Variants in APBA1 observed in about 807,000 individuals in gnomAD.
APBA1 encodes amyloid-beta A4 precursor protein-binding family A member 1.
Under a neutral mutation model 86.6 loss-of-function variants are expected in APBA1, and 55 were observed. The observed-to-expected ratio is 0.64, with a 90% confidence interval of 0.51 to 0.80. The LOEUF (loss-of-function observed/expected upper bound fraction) is 0.80. Ranked by LOEUF, APBA1 falls within the 30% of genes least tolerant of loss-of-function variation. The pLI is 0.00. For missense variants in APBA1, 1,090 were observed against 1,183.0 expected, an observed-to-expected ratio of 0.92 and a Z score of 1.15; for synonymous variants, 511 against 493.9, an observed-to-expected ratio of 1.03 and a Z score of -0.46.
At chr9:69,622,538 C>G (rs1822841843) in intron 1 of APBA1, among the ~76,000 whole-genome samples, 1 of 151,344 alleles carries the variant, frequency 6.6e-6, no homozygotes, top group South Asian at 2.1e-4. Context: ...TGTTTTTATA[C>G]CTTTTTATTC....
chr9:69,482,850 CATT>C (rs2133847418), intron 2 of APBA1, among the ~76,000 whole-genome samples: 1 of 151,262 alleles, frequency 6.6e-6, no homozygotes, highest in South Asian at 2.1e-4. Context: ...TGGAAATCAT[CATT>C]CTCAGTAAAC....
At chr9:69,599,415 G>A (rs891764272) in intron 1 of APBA1, among the ~76,000 whole-genome samples, 21 of 152,136 alleles carry the variant, frequency 1.4e-4, no homozygotes, top group Non-Finnish European at 2.9e-4. Flanking sequence ...ATGGGACTGA[G>A]GAGTTCCCAC....
At chr9:69,630,166 T>C (rs894629628) in intron 1 of APBA1, among the ~76,000 whole-genome samples, 2 of 151,392 alleles carry the variant, frequency 1.3e-5, no homozygotes, top group African/African-American at 2.4e-5. Context: ...AGTAAGCAAG[T>C]GACATCAGAG....
At chr9:69,571,679 T>C (rs527718518) in intron 1 of APBA1, among the ~76,000 whole-genome samples, 9 of 152,352 alleles carry the variant, frequency 5.9e-5, no homozygotes, top group African/African-American at 2.2e-4. Flanking sequence ...AAATATCATA[T>C]TAAATTTTTT....
rs888829009 is a variant in APBA1, at chr9:69,428,722, G to C, written c.*2605C>G. The C allele has an allele frequency of 2.0e-5, 3 of 152,200 alleles. No homozygotes were observed. Among genetic ancestry groups the C allele is most frequent in the South Asian group, 4.1e-4 (2 of 4,826 alleles). The allele number at this position is 152,200 out of a possible 1,614,324, so 9.4% of individuals were successfully genotyped here. A position where few individuals can be genotyped will look rare whatever the true frequency, so the allele number is the denominator to read the frequency against. On this transcript the variant is annotated 3_prime_UTR_variant, in exon 13 of 13. Transcript: ENST00000265381. Reference sequence around the variant, plus strand: ...TCTTGGGACTTTCAAAAAATCTAGCGACTTGCTTTTAAGACTGTGGCTGCT... The same window carrying C: ...TCTTGGGACTTTCAAAAAATCTAGCCACTTGCTTTTAAGACTGTGGCTGCT...
chr9:69,546,078 A>G (rs1836693239), intron 1 of APBA1, among the ~76,000 whole-genome samples: 1 of 152,224 alleles, frequency 6.6e-6, no homozygotes, highest in African/African-American at 2.4e-5. Context: ...AGGAATTCAG[A>G]CTGAGAATTC....
intron 6 of APBA1, among the ~76,000 whole-genome samples, chr9:69,457,517 G>C (rs1293056769): frequency 6.6e-6 from 1 of 152,186 alleles, no homozygotes; most frequent in African/African-American, 2.4e-5. Flanking sequence ...AAGTCACTTA[G>C]AATTTGCCTC....
chr9:69,593,460 G>GT (rs11446901), intron 1 of APBA1, among the ~76,000 whole-genome samples: 21,682 of 152,070 alleles, frequency 0.14, 1,655 homozygotes, highest in South Asian at 0.28. Context: ...AATTATAACC[G>GT]TAAGAATTAC....
intron 1 of APBA1, among the ~76,000 whole-genome samples, chr9:69,622,248 TAA>T (rs1262035110): frequency 6.6e-6 from 1 of 152,190 alleles, no homozygotes; most frequent in Non-Finnish European, 1.5e-5. Context: ...TCACAGTGTG[TAA>T]GAGGCAGAGC....
chr9:69,570,357 A>T (rs1431677297), intron 1 of APBA1, among the ~76,000 whole-genome samples: 1 of 152,200 alleles, frequency 6.6e-6, no homozygotes, highest in Non-Finnish European at 1.5e-5. Context: ...TCCCAGAGAA[A>T]ATACAAAGAA....
At position 69,449,683 on chromosome 9, in the gene APBA1, C is replaced by A. The variant is rs111676069; in HGVS notation, c.2082G>T (p.Ala694=). Residue 694 remains alanine (A), a synonymous_variant, in exon 10 of 13, where the codon GCG becomes GCT. Transcript: ENST00000265381. ...IIANMMHGGP[A]EKSGKLNIGD... ...CGATATTCAGCTTCCCAGATTTCTCCGCAGGGCCACCATGCATCATGTTGG... is the reference window on the plus strand; with the variant it reads ...CGATATTCAGCTTCCCAGATTTCTCAGCAGGGCCACCATGCATCATGTTGG... 6.2e-7 allele frequency: 1 copy of A among 1,613,940 alleles called. No individual in the cohort carries two copies. The highest frequency in any genetic ancestry group is 1.3e-5 in the African/African-American group (1 of 74,872).
intron 3 of APBA1, among the ~76,000 whole-genome samples, chr9:69,472,780 G>C (rs147874630): frequency 3.6e-4 from 55 of 152,258 alleles, no homozygotes; most frequent in African/African-American, 1.2e-3. Context: ...GTGAGTGTTG[G>C]GATGTCATGG....
intron 2 of APBA1, among the ~76,000 whole-genome samples, chr9:69,485,501 T>G (rs1175272776): frequency 6.6e-6 from 1 of 152,208 alleles, no homozygotes; most frequent in East Asian, 1.9e-4. Context: ...ATAGAAAAAG[T>G]AAAATTATTG....
At position 69,476,083 on chromosome 9, in the gene APBA1, G is replaced by A; in HGVS notation, c.1261C>T (p.Pro421Ser). ...GTGGACGCTTCCACAGGGTCACTGG[G>A]GTGAAGAGATGTGCTTGATGACTCT... ...GAESSSTSLH[P>S]SDPVEASTNK... Residue 421 changes from proline to serine, a missense_variant, in exon 3 of 13, where the codon CCC becomes TCC. Pro to Ser is a moderately conservative substitution (Grantham distance 74). This residue lies in a region of APBA1 where 678 missense variants were observed against 647.1 expected (regional missense o/e 1.05). Transcript: ENST00000265381. 1 of 1,614,170 alleles carries A rather than the reference G, an allele frequency of 6.2e-7. No individual in the cohort carries two copies. Among genetic ancestry groups the A allele is most frequent in the Non-Finnish European group, 8.5e-7 (1 of 1,180,014 alleles).
At chr9:69,582,031 G>A (rs1240478553) in intron 1 of APBA1, among the ~76,000 whole-genome samples, 1 of 152,178 alleles carries the variant, frequency 6.6e-6, no homozygotes, top group East Asian at 1.9e-4. Flanking sequence ...GTGTGTTGCT[G>A]TGTTGATTCT....
intron 1 of APBA1, among the ~76,000 whole-genome samples, chr9:69,670,733 G>A (rs951203834): frequency 5.9e-5 from 9 of 152,104 alleles, no homozygotes; most frequent in African/African-American, 2.2e-4. Flanking sequence ...TTCCCACTGG[G>A]TGAGTTGTTG....
intron 1 of APBA1, among the ~76,000 whole-genome samples, chr9:69,609,772 G>A (rs928048538): frequency 6.6e-6 from 1 of 152,056 alleles, no homozygotes; most frequent in African/African-American, 2.4e-5. Context: ...CAGATTCTTG[G>A]TCTCCTTCCC....
At chr9:69,553,286 T>C (rs1836815789) in intron 1 of APBA1, among the ~76,000 whole-genome samples, 2 of 152,350 alleles carry the variant, frequency 1.3e-5, no homozygotes, top group African/African-American at 2.4e-5. Flanking sequence ...TATGTGTGTG[T>C]GCGCTTGTAT....
intron 1 of APBA1, among the ~76,000 whole-genome samples, chr9:69,583,713 C>T (rs528171282): frequency 1.3e-5 from 2 of 152,180 alleles, no homozygotes; most frequent in East Asian, 1.9e-4. Flanking sequence ...TCATGAGAAG[C>T]CTTAGATAGC....
Sources: gnomAD v4.1 joint callset for allele counts (sites outside exome capture counted in the v4.1 genomes callset) on GRCh38, gnomAD v4.1.1 for gene constraint, gnomAD v4.1.1 regional missense constraint, MANE v1.5 for transcripts, NCBI Gene and HGNC (gene_info 2026-07-23, HGNC 2026-07-21) for gene names.